The following FSTL3 variants were observed in gnomAD, a reference collection of about 807,000 sequenced individuals.
FSTL3 encodes the protein follistatin like 3, also known as follistatin-related protein 3.
FSTL3 carries 21 observed loss-of-function variants against 28.1 expected under a neutral mutation model. That is an observed-to-expected ratio of 0.75 (90% CI 0.53 to 1.08). FSTL3 has a LOEUF of 1.08. FSTL3 is among the 50% of genes least tolerant of loss of function. The pLI is 0.00. For synonymous variants in FSTL3, 199 were observed against 164.2 expected, an observed-to-expected ratio of 1.21 and a Z score of -1.62; for missense variants, 400 against 380.9, an observed-to-expected ratio of 1.05 and a Z score of -0.42.
At position 682,074 on chromosome 19, in the gene FSTL3, T is replaced by C. The variant is rs1436053109; in HGVS notation, c.*366T>C. On this transcript the variant is annotated 3_prime_UTR_variant, in exon 5 of 5. Coordinates refer to ENST00000166139, the MANE Select transcript of FSTL3 (RefSeq NM_005860.3). ...AAGAGGGCTGGGCATTCTCTGCTGGTAATTCCTGAAGAGGCATGACTGCTT... is the reference window on the plus strand; with the variant it reads ...AAGAGGGCTGGGCATTCTCTGCTGGCAATTCCTGAAGAGGCATGACTGCTT... 1 of 421,086 alleles carries C rather than the reference T, an allele frequency of 2.4e-6. No individual in the cohort carries two copies. Among genetic ancestry groups the C allele is most frequent in the Non-Finnish European group, 4.4e-6 (1 of 226,160 alleles). The allele number at this position is 421,086 out of a possible 1,614,324, so 26.1% of individuals were successfully genotyped here. A position where few individuals can be genotyped will look rare whatever the true frequency, so the allele number is the denominator to read the frequency against.
rs2031380016 is a variant in FSTL3 at position 683,343 on chromosome 19, C to A, written c.*1635C>A. ...ACAGGAGCCTCAGCCAGGCAGCCCA[C>A]CCCACCCTGGGGCCCTGCCTCACCA... On this transcript the variant is annotated 3_prime_UTR_variant, in exon 5 of 5. Coordinates refer to ENST00000166139, the MANE Select transcript of FSTL3 (RefSeq NM_005860.3). 9.0e-6 allele frequency: 2 copies of A among 221,448 alleles called. No individual in the cohort carries two copies. The highest frequency in any genetic ancestry group is 3.8e-4 in the South Asian group (2 of 5,310). The allele number at this position is 221,448 out of a possible 1,614,324, so 13.7% of individuals were successfully genotyped here.
At chr19:678,033 C>T (rs753111919) in intron 2 of FSTL3, 56 bp downstream of exon 2, 9 of 1,537,254 alleles carry the variant, frequency 5.9e-6, no homozygotes, top group Admixed American at 5.2e-5. Flanking sequence ...CAGCCACAAA[C>T]AGTCATGGTG....
chr19:679,424 C>G (rs746983999), intron 2 of FSTL3, among the ~76,000 whole-genome samples: 9 of 152,170 alleles, frequency 5.9e-5, no homozygotes, highest in Non-Finnish European at 1.3e-4. Flanking sequence ...GAAACTGAGG[C>G]TGGCACATAA....
In FSTL3 at chr19:678,541, C is replaced by T. The variant is rs569090229; in HGVS notation, c.289+564C>T. On this transcript the variant is annotated intron_variant, in intron 2 of 4. Transcript: ENST00000166139. Reference sequence around the variant, plus strand: ...TTTTTTTTTTCCTGAGATGGAGCCTCGCTCTGTCACCCAGGCTGGAGTGCA... The same window carrying T: ...TTTTTTTTTTCCTGAGATGGAGCCTTGCTCTGTCACCCAGGCTGGAGTGCA... Among the ~76,000 whole-genome samples the T allele has an allele frequency of 1.6e-4, 22 of 133,504 alleles. 1 individual carries two copies. The highest frequency in any genetic ancestry group is 5.8e-4 in the African/African-American group (21 of 36,272). 87.6% of individuals were successfully genotyped at this position (133,504 alleles called of 152,430 possible).
intron 4 of FSTL3, 33 bp from the exon 5 acceptor site, chr19:681,617 C>T (rs900931778): frequency 2.5e-6 from 4 of 1,592,474 alleles, no homozygotes; most frequent in Non-Finnish European, 2.6e-6. Flanking sequence ...ACCCCCTGCC[C>T]TGCGCCCTCA....
intron 3 of FSTL3, 41 bp from the exon 4 acceptor site, chr19:681,292 G>A (rs1370297544): frequency 7.1e-7 from 1 of 1,417,810 alleles, no homozygotes; most frequent in East Asian, 2.5e-5. Context: ...GGGGTTCTCA[G>A]CGAGATGTCC....
chr19:677,146 G>A (rs2031229725), intron 1 of FSTL3, among the ~76,000 whole-genome samples: 1 of 152,156 alleles, frequency 6.6e-6, no homozygotes, highest in Non-Finnish European at 1.5e-5. Context: ...GGGGGCTGTG[G>A]CCGTTCCTGC....
intron 2 of FSTL3, 69 bp from the exon 3 acceptor site, chr19:680,205 G>A (rs995469119): frequency 6.9e-5 from 72 of 1,040,636 alleles, no homozygotes; most frequent in Non-Finnish European, 8.6e-5. Context: ...GGGGCCCCGA[G>A]GCCTTCGCGC....
At chr19:680,558 C>T (rs1422000228) in intron 3 of FSTL3, 69 bp downstream of exon 3, 1 of 909,302 alleles carries the variant, frequency 1.1e-6, no homozygotes, top group Non-Finnish European at 1.4e-6. Flanking sequence ...TGTATCGAGG[C>T]TGCTGCCGCA....
At position 681,462 on chromosome 19, in the gene FSTL3, GCAA is replaced by G; in HGVS notation, c.643_645del (p.Asn215del). 1.2e-6 allele frequency: 2 copies of G among 1,600,834 alleles called. No individual in the cohort carries two copies. Among genetic ancestry groups the G allele is most frequent in the South Asian group, 1.1e-5 (1 of 91,034 alleles). On this transcript the variant is annotated inframe_deletion, in exon 4 of 5. Coordinates refer to ENST00000166139, the MANE Select transcript of FSTL3 (RefSeq NM_005860.3). Reference sequence around the variant, plus strand: ...TCCAGCCCCGGCCAGGAGCTTTGCGGCAACAACAACGTCACCTACATCTCCTCG... The same window carrying G: ...TCCAGCCCCGGCCAGGAGCTTTGCGGCAACAACGTCACCTACATCTCCTCG...
chr19:680,442 G>A lies in FSTL3; in HGVS notation c.458G>A (p.Cys153Tyr). 7.9e-7 allele frequency: 1 copy of A among 1,264,686 alleles called. No individual in the cohort carries two copies. The highest frequency in any genetic ancestry group is 3.1e-5 in the East Asian group (1 of 31,868). The allele number at this position is 1,264,686 out of a possible 1,614,324, so 78.3% of individuals were successfully genotyped here. The change falls in exon 3 of 5, where the codon TGC becomes TAC. Residue 153 changes from cysteine to tyrosine, a missense_variant. By Grantham distance (194) the Cys-to-Tyr change is radical. Coordinates refer to ENST00000166139, the MANE Select transcript of FSTL3 (RefSeq NM_005860.3). The stretch of plus-strand genomic sequence containing the variant: ...GAGTGCGAGCTGCGCGCCGCGCGCT[G>A]CCGCGGCCACCCGGACCTGAGCGTC... ...RDECELRAAR[C>Y]RGHPDLSVMY...
At chr19:679,696 G>C (rs1216859630) in intron 2 of FSTL3, among the ~76,000 whole-genome samples, 2 of 152,208 alleles carry the variant, frequency 1.3e-5, no homozygotes, top group African/African-American at 4.8e-5. Flanking sequence ...ATCCCTGTCT[G>C]AGCAGCGGGG....
Position 679,060 on chromosome 19 carries a change from GT to G in FSTL3, c.289+1084del, listed in dbSNP as rs528383192. ...ATTAATCCCAGATCAGCCTGGCTGG[GT>G]GGTCCTGAACTCACTGCCACATACC... On this transcript the variant is annotated intron_variant, in intron 2 of 4. Transcript: ENST00000166139. Among the ~76,000 whole-genome samples the G allele has an allele frequency of 3.9e-5, 6 of 152,252 alleles. No homozygotes were observed. The East Asian group carries it at 1.2e-3, about 29-fold the overall frequency.
chr19:680,541 C>A (rs778784496), intron 3 of FSTL3, 52 bp downstream of exon 3: 10 of 1,029,724 alleles, frequency 9.7e-6, no homozygotes, highest in Non-Finnish European at 1.2e-5. Context: ...ACCGGACCTG[C>A]GCGTCATGTA....
In FSTL3 at chr19:677,995, A is replaced by G. The variant is rs1207139419; in HGVS notation, c.289+18A>G. The stretch of plus-strand genomic sequence containing the variant: ...CTGCAAAGGTGAGACCTCAGGCCAG[A>G]AGCAGGGCAGACGTCTCAGCTCAGG... On this transcript the variant is annotated intron_variant, in intron 2 of 4. Coordinates refer to ENST00000166139, the MANE Select transcript of FSTL3 (RefSeq NM_005860.3). The G allele has an allele frequency of 6.2e-7, 1 of 1,609,086 alleles. No individual in the cohort carries two copies. Among genetic ancestry groups the G allele is most frequent in the Non-Finnish European group, 8.5e-7 (1 of 1,177,578 alleles).
chr19:680,537 C>A, intron 3 of FSTL3, 48 bp downstream of exon 3: 3 of 1,112,506 alleles, frequency 2.7e-6, no homozygotes, highest in Non-Finnish European at 3.4e-6. Context: ...ACCTACCGGA[C>A]CTGCGCGTCA....
intron 3 of FSTL3, chr19:680,782 C>T (rs1273756502): frequency 1.9e-5 from 6 of 313,576 alleles, no homozygotes; most frequent in South Asian, 1.3e-4. Context: ...TGAGTAAGGG[C>T]GTCTTTATAC....
intron 3 of FSTL3, 63 bp from the exon 4 acceptor site, chr19:681,270 C>A (rs1049787679): frequency 6.4e-6 from 8 of 1,247,268 alleles, no homozygotes; most frequent in East Asian, 2.5e-5. Context: ...GTCTTGGGGC[C>A]AAGAGCCCTG....
chr19:681,282 G>C (rs1427896823), intron 3 of FSTL3, 51 bp from the exon 4 acceptor site: 1 of 1,333,248 alleles, frequency 7.5e-7, no homozygotes, highest in Admixed American at 2.2e-5. Flanking sequence ...AGAGCCCTGC[G>C]GGGTTCTCAG....
Sources: allele counts gnomAD v4.1 joint callset (sites outside exome capture counted in the v4.1 genomes callset), GRCh38; gene constraint gnomAD v4.1.1; transcripts MANE v1.5; gene names NCBI Gene and HGNC (gene_info 2026-07-23, HGNC 2026-07-21).